Variants in DCBLD1 observed in about 807,000 individuals in gnomAD.
The protein encoded by DCBLD1 is discoidin, CUB and LCCL domain containing 1, also known as discoidin, CUB and LCCL domain-containing protein 1.
Under a neutral mutation model 71.5 loss-of-function variants are expected in DCBLD1, and 57 were observed. The ratio of observed to expected loss-of-function variants is 0.80; its 90% CI spans 0.64 to 0.99. The LOEUF is 0.99. DCBLD1 is among the 50% of genes least tolerant of loss of function. The pLI is 0.00. For synonymous variants in DCBLD1, 380 were observed against 363.8 expected, an observed-to-expected ratio of 1.04 and a Z score of -0.51; for missense variants, 891 against 923.5, an observed-to-expected ratio of 0.96 and a Z score of 0.46.
chr6:117,490,064 G>A (rs1777233931), intron 1 of DCBLD1, among the ~76,000 whole-genome samples: 1 of 149,826 alleles, frequency 6.7e-6, no homozygotes, highest in Non-Finnish European at 1.5e-5. Context: ...TTGAGGACAT[G>A]TTTTAGTTCT....
In DCBLD1 at chr6:117,548,128, C is replaced by A. The variant is rs1191090008; in HGVS notation, c.1837C>A (p.His613Asn). 1.3e-6 allele frequency: 2 copies of A among 1,549,940 alleles called. No homozygotes were observed. Among genetic ancestry groups the A allele is most frequent in the East Asian group, 4.9e-5 (2 of 40,896 alleles). The part of the protein sequence containing the change: ...PIVERHVLRA[H>N]TFSAQSGYRV... ...CGTGGAGCGGCACGTGCTGCGCGCC[C>A]ACACGTTCTCTGCGCAGAGCGGCTA... Residue 613 changes from histidine to asparagine, a missense_variant, in exon 15 of 15, where the codon CAC (histidine) becomes AAC (asparagine). By Grantham distance (68) the His-to-Asn change is moderately conservative (BLOSUM62 1). Coordinates refer to ENST00000338728, the MANE Select transcript of DCBLD1 (RefSeq NM_001366458.2).
intron 2 of DCBLD1, among the ~76,000 whole-genome samples, chr6:117,506,971 AT>A (rs914347520): frequency 5.0e-4 from 76 of 152,350 alleles, no homozygotes; most frequent in Non-Finnish European, 8.1e-4. Flanking sequence ...CCTGCCCGAT[AT>A]TTTTTATTAA....
chr6:117,518,964 C>T (rs1291766706), intron 2 of DCBLD1, among the ~76,000 whole-genome samples: 4 of 152,092 alleles, frequency 2.6e-5, no homozygotes, highest in Non-Finnish European at 5.9e-5. Flanking sequence ...ATTGTTGTTG[C>T]CGCTGACTAT....
chr6:117,499,713 CAAAG>C (rs981871300), intron 1 of DCBLD1, among the ~76,000 whole-genome samples: 1 of 152,098 alleles, frequency 6.6e-6, no homozygotes, highest in Admixed American at 6.6e-5. Context: ...ATACCTAAGA[CAAAG>C]AAGATAAACT....
At chr6:117,558,524 C>T (rs1298655426) in intron 14 of DCBLD1, among the ~76,000 whole-genome samples, 1 of 152,118 alleles carries the variant, frequency 6.6e-6, no homozygotes, top group Admixed American at 6.5e-5. Flanking sequence ...GAGTGGTTTG[C>T]TAGGACTCAT....
chr6:117,489,323 G>T (rs971623755), intron 1 of DCBLD1, among the ~76,000 whole-genome samples: 12 of 152,148 alleles, frequency 7.9e-5, no homozygotes, highest in Admixed American at 3.3e-4. Context: ...CAAGGGGATG[G>T]TGCCAAGCCA....
In DCBLD1 at chr6:117,548,396, G is replaced by T. The variant is rs1467787917; in HGVS notation, c.2105G>T (p.Cys702Phe). 1 of 1,550,662 alleles carries T rather than the reference G, an allele frequency of 6.4e-7. No homozygotes were observed. Among genetic ancestry groups the T allele is most frequent in the East Asian group, 2.4e-5 (1 of 40,914 alleles). ...GACAGCTATTCTGCCCCCAGAGACT[G>T]CCTCACACCCCTCAACCAGACGGCC... ...TSDSYSAPRD[C>F]LTPLNQTAMT... The change falls in exon 15 of 15, where the codon TGC (cysteine) becomes TTC (phenylalanine). Residue 702 changes from cysteine to phenylalanine, a missense_variant. By Grantham distance (205) the Cys-to-Phe change is radical. Transcript: ENST00000338728.
intron 5 of DCBLD1, among the ~76,000 whole-genome samples, chr6:117,530,699 T>C (rs1367661184): frequency 6.6e-6 from 1 of 152,218 alleles, no homozygotes; most frequent in Non-Finnish European, 1.5e-5. Flanking sequence ...GATAAATTGC[T>C]AAATTTAAAT....
intron 1 of DCBLD1, among the ~76,000 whole-genome samples, chr6:117,497,793 T>A (rs1342204249): frequency 6.6e-6 from 1 of 152,238 alleles, no homozygotes; most frequent in Non-Finnish European, 1.5e-5. Flanking sequence ...GAAAGTAGCC[T>A]TTAGTGTTAC....
chr6:117,512,326 C>G (rs1208399801), intron 2 of DCBLD1, among the ~76,000 whole-genome samples: 10 of 152,140 alleles, frequency 6.6e-5, no homozygotes. Context: ...GAATGAGAGA[C>G]CAAAATTCTC....
At position 117,548,588 on chromosome 6, in the gene DCBLD1, A is replaced by C; in HGVS notation, c.*149A>C. On this transcript the variant is annotated 3_prime_UTR_variant, in exon 15 of 15. Coordinates refer to ENST00000338728, the MANE Select transcript of DCBLD1 (RefSeq NM_001366458.2). ...TGTGTGATCCAGTAGGATCCTAGAG[A>C]CAACCTGTCATACTGTTTACAAAAT... is the stretch of plus-strand genomic sequence containing the variant. The C allele has an allele frequency of 6.9e-7, 1 of 1,452,744 alleles. No individual in the cohort carries two copies. Among genetic ancestry groups the C allele is most frequent in the Non-Finnish European group, 9.0e-7 (1 of 1,107,782 alleles). 90.0% of individuals were successfully genotyped at this position (1,452,744 alleles called of 1,614,324 possible).
At chr6:117,543,288 A>C in intron 12 of DCBLD1, 77 bp downstream of exon 12, 1 of 1,204,238 alleles carries the variant, frequency 8.3e-7, no homozygotes, top group Non-Finnish European at 1.2e-6. Flanking sequence ...ATTCTTCAGA[A>C]ATGCATATGT....
At chr6:117,493,779 T>A (rs1347825874) in intron 1 of DCBLD1, among the ~76,000 whole-genome samples, 1 of 152,122 alleles carries the variant, frequency 6.6e-6, no homozygotes, top group Non-Finnish European at 1.5e-5. Context: ...ATGGGCTGAG[T>A]TATGCTGCAT....
At chr6:117,524,260 C>G (rs182571243) in intron 4 of DCBLD1, among the ~76,000 whole-genome samples, 4 of 149,826 alleles carry the variant, frequency 2.7e-5, no homozygotes, top group Non-Finnish European at 5.9e-5. Flanking sequence ...AGTACAGTGG[C>G]GCAATCTGGT....
At chr6:117,559,540 C>T (rs546152376) in intron 14 of DCBLD1, among the ~76,000 whole-genome samples, 17 of 152,192 alleles carry the variant, frequency 1.1e-4, no homozygotes, top group Non-Finnish European at 2.2e-4. Flanking sequence ...CAGACCACAG[C>T]AGCTGGACCT....
At chr6:117,510,550 A>T (rs949346940) in intron 2 of DCBLD1, among the ~76,000 whole-genome samples, 1 of 152,188 alleles carries the variant, frequency 6.6e-6, no homozygotes, top group African/African-American at 2.4e-5. Context: ...CAGATACGGG[A>T]TGCCCTGAGC....
intron 4 of DCBLD1, among the ~76,000 whole-genome samples, chr6:117,522,304 G>A (rs1457225209): frequency 6.6e-6 from 1 of 152,154 alleles, no homozygotes; most frequent in Non-Finnish European, 1.5e-5. Flanking sequence ...TGGCCTCTAT[G>A]TCCTAGATGT....
chr6:117,564,710 T>C (rs1441562248), intron 14 of DCBLD1, among the ~76,000 whole-genome samples: 1 of 151,994 alleles, frequency 6.6e-6, no homozygotes, highest in East Asian at 1.9e-4. Flanking sequence ...CTAGCCTCAG[T>C]TACAAAAAAA....
Position 117,532,337 on chromosome 6 carries a change from G to T in DCBLD1, c.663G>T (p.Gln221His). The change falls in exon 6 of 15, where the codon CAG becomes CAT. Residue 221 changes from glutamine to histidine, a missense_variant. Coordinates refer to ENST00000338728, the MANE Select transcript of DCBLD1 (RefSeq NM_001366458.2). ...DELGGQISVLQRKGISRYEGI... is the reference protein window; with the variant it reads ...DELGGQISVLHRKGISRYEGI... ...TAGGTGGCCAGATCAGTGTGCTTCA[G>T]CGCAAAGGGATCAGTCGATATGAAG... 6.2e-7 allele frequency: 1 copy of T among 1,613,748 alleles called. No homozygotes were observed.
Sources: allele counts gnomAD v4.1 joint callset (sites outside exome capture counted in the v4.1 genomes callset), GRCh38; gene constraint gnomAD v4.1.1; transcripts MANE v1.5; gene names NCBI Gene and HGNC (gene_info 2026-07-23, HGNC 2026-07-21).